The following DYNLT5 variants were observed in gnomAD, a reference collection of about 807,000 sequenced individuals.
DYNLT5 encodes dynein light chain Tctex-type family member 5, also known as dynein light chain Tctex-type 5.
Under a neutral mutation model 19.3 loss-of-function variants are expected in DYNLT5, and 25 were observed. The ratio of observed to expected loss-of-function variants is 1.30; its 90% CI spans 0.95 to 1.81. The LOEUF (loss-of-function observed/expected upper bound fraction) is 1.81, where lower values mean the gene tolerates loss of function less well. Among genes scored for constraint, DYNLT5 ranks in the 40% most tolerant of loss-of-function variants. DYNLT5 has a pLI of 0.00. For synonymous variants in DYNLT5, 82 were observed against 68.9 expected, an observed-to-expected ratio of 1.19 and a Z score of -0.94; for missense variants, 232 against 217.9, an observed-to-expected ratio of 1.06 and a Z score of -0.41.
intron 2 of DYNLT5, among the ~76,000 whole-genome samples, chr1:66,769,545 C>CCA (rs1236571584): frequency 2.0e-4 from 29 of 146,768 alleles, no homozygotes; most frequent in Admixed American, 1.6e-3. Flanking sequence ...AAACACACAC[C>CCA]CACACACACA....
chr1:66,762,214 A>G (rs2094647154), intron 2 of DYNLT5, among the ~76,000 whole-genome samples: 1 of 152,194 alleles, frequency 6.6e-6, no homozygotes. Flanking sequence ...TGGGGTACAT[A>G]GTGATTTTTC....
At chr1:66,758,652 G>A (rs924958431) in intron 2 of DYNLT5, among the ~76,000 whole-genome samples, 1 of 152,212 alleles carries the variant, frequency 6.6e-6, no homozygotes, top group South Asian at 2.1e-4. Flanking sequence ...CCACATATTA[G>A]GCATATAAAG....
At chr1:66,757,722 A>G (rs1395101049) in intron 2 of DYNLT5, among the ~76,000 whole-genome samples, 4 of 152,224 alleles carry the variant, frequency 2.6e-5, no homozygotes, top group Admixed American at 6.5e-5. Flanking sequence ...TTGGCAAACT[A>G]TGACCCAAGG....
At chr1:66,777,211 T>A (rs759645354) in intron 4 of DYNLT5, 40 bp from the exon 5 acceptor site, 1 of 1,538,244 alleles carries the variant, frequency 6.5e-7, no homozygotes, top group South Asian at 1.1e-5. Flanking sequence ...TGAGTTTCAA[T>A]GTAGCTGAAT....
intron 2 of DYNLT5, among the ~76,000 whole-genome samples, chr1:66,759,603 A>C (rs1239219949): frequency 6.6e-6 from 1 of 152,224 alleles, no homozygotes; most frequent in African/African-American, 2.4e-5. Context: ...AACAAAGCCC[A>C]AATAGCTAAG....
At chr1:66,758,378 G>T (rs116710060) in intron 2 of DYNLT5, among the ~76,000 whole-genome samples, 2,407 of 152,056 alleles carry the variant, frequency 0.016, 73 homozygotes, top group African/African-American at 0.056. Context: ...TACTTTCACA[G>T]GATCATGTGA....
intron 3 of DYNLT5, chr1:66,776,010 G>T (rs574239803): frequency 3.7e-6 from 1 of 267,230 alleles, no homozygotes. Context: ...CAACAATGGG[G>T]CCTGGGAAGG....
chr1:66,752,879 C>T (rs1200942895), intron 1 of DYNLT5, among the ~76,000 whole-genome samples: 1 of 152,162 alleles, frequency 6.6e-6, no homozygotes, highest in East Asian at 1.9e-4. Context: ...TGTGGCTGGC[C>T]GCACCCATGA....
At chr1:66,766,001 A>T (rs1364164129) in intron 2 of DYNLT5, among the ~76,000 whole-genome samples, 2 of 152,208 alleles carry the variant, frequency 1.3e-5, no homozygotes, top group Non-Finnish European at 2.9e-5. Flanking sequence ...TCATTGAATT[A>T]CAAGTTGTTA....
rs570443474 is a variant in DYNLT5 at position 66,775,012 on chromosome 1, A to C, written c.212-1267A>C. 2.0e-5 allele frequency: 3 copies of C among 152,372 alleles called. No individual in the cohort carries two copies. In the South Asian group the frequency reaches 6.2e-4, roughly 32 times the overall value. 9.4% of individuals were successfully genotyped at this position (152,372 alleles called of 1,614,324 possible). On this transcript the variant is annotated intron_variant, in intron 3 of 4. Coordinates refer to ENST00000282670, the MANE Select transcript of DYNLT5 (RefSeq NM_152665.3). ...ATTCCTTCATCTTTATCAATTCAAC[A>C]AATAATGACTGGGCTTCTGTATGCC...
intron 2 of DYNLT5, among the ~76,000 whole-genome samples, chr1:66,769,512 T>A (rs934593365): frequency 2.0e-5 from 3 of 149,826 alleles, no homozygotes; most frequent in African/African-American, 7.5e-5. Flanking sequence ...AGAAAAGTGG[T>A]CACTCTGAAC....
intron 2 of DYNLT5, among the ~76,000 whole-genome samples, chr1:66,757,864 T>C (rs972267612): frequency 5.3e-5 from 8 of 152,218 alleles, no homozygotes; most frequent in African/African-American, 1.7e-4. Context: ...ATAAAGTTTA[T>C]TAGGACACAG....
At position 66,777,283 on chromosome 1, in the gene DYNLT5, TCC is replaced by T. The variant is rs1645242023; in HGVS notation, c.370_371del (p.Pro124ThrfsTer3). On this transcript the variant is annotated frameshift_variant, in exon 5 of 5. Coordinates refer to ENST00000282670, the MANE Select transcript of DYNLT5 (RefSeq NM_152665.3). LOFTEE classifies it high-confidence loss of function. The stretch of plus-strand genomic sequence containing the variant: ...AAGCCCAGGTCAAGGACTTGATGAT[TCC>T]ACGGTATAAACTAATTGTGATTGTT... ...IKAQVKDLMIPRYKLIVIVHI... is the reference protein window; with the variant it reads ...IKAQVKDLMIXRYKLIVIVHI... 1.2e-6 allele frequency: 2 copies of T among 1,613,168 alleles called. No homozygotes were observed. Among genetic ancestry groups the T allele is most frequent in the African/African-American group, 2.7e-5 (2 of 74,924 alleles).
intron 2 of DYNLT5, among the ~76,000 whole-genome samples, chr1:66,761,841 G>A (rs1228568352): frequency 6.6e-6 from 1 of 152,132 alleles, no homozygotes; most frequent in African/African-American, 2.4e-5. Flanking sequence ...CCACATCAAT[G>A]GACTCTTCCT....
At chr1:66,758,690 A>G (rs181960033) in intron 2 of DYNLT5, among the ~76,000 whole-genome samples, 115 of 152,320 alleles carry the variant, frequency 7.5e-4, no homozygotes, top group Non-Finnish European at 1.4e-3. Flanking sequence ...TCTAATTTAG[A>G]TAAGTTCATT....
At chr1:66,769,399 C>T (rs1211002335) in intron 2 of DYNLT5, among the ~76,000 whole-genome samples, 1 of 151,992 alleles carries the variant, frequency 6.6e-6, no homozygotes, top group African/African-American at 2.4e-5. Context: ...TTCCAAACAG[C>T]GTAGAACTAA....
At chr1:66,761,247 C>T (rs570354159) in intron 2 of DYNLT5, among the ~76,000 whole-genome samples, 32 of 152,142 alleles carry the variant, frequency 2.1e-4, no homozygotes, top group Non-Finnish European at 4.3e-4. Context: ...TTCCAGTGCA[C>T]ATAAAAATTG....
rs1645197486 is a variant in DYNLT5 at position 66,770,434 on chromosome 1, A to C, written c.167A>C (p.Asp56Ala). Reference protein sequence around the residue: ...SYMEEPSQRDDISRLTVQMEN... With the variant: ...SYMEEPSQRDAISRLTVQMEN... ...ATGGAAGAACCCAGTCAGCGTGATG[A>C]TATCTCTCGCCTTACAGTTCAGATG... The change falls in exon 3 of 5, where the codon GAT becomes GCT. Residue 56 changes from aspartate (D) to alanine (A), a missense_variant. Asp to Ala is a moderately radical substitution (Grantham distance 126). Transcript: ENST00000282670. The C allele has an allele frequency of 6.2e-7, 1 of 1,613,626 alleles. No individual in the cohort carries two copies. Among genetic ancestry groups the C allele is most frequent in the Non-Finnish European group, 8.5e-7 (1 of 1,179,700 alleles).
chr1:66,765,475 A>G (rs748100597), intron 2 of DYNLT5, among the ~76,000 whole-genome samples: 8 of 152,168 alleles, frequency 5.3e-5, no homozygotes, highest in Non-Finnish European at 1.0e-4. Flanking sequence ...ATGAGAATTA[A>G]CTGAAATTAT....
Sources: gnomAD v4.1 joint callset for allele counts (sites outside exome capture counted in the v4.1 genomes callset) on GRCh38, gnomAD v4.1.1 for gene constraint, MANE v1.5 for transcripts, NCBI Gene and HGNC (gene_info 2026-07-23, HGNC 2026-07-21) for gene names.